Variants in DNAAF1 observed in about 807,000 individuals in gnomAD.
DNAAF1 encodes dynein assembly factor 1, axonemal.
Under a neutral mutation model 71.1 loss-of-function variants are expected in DNAAF1, and 65 were observed. The ratio of observed to expected loss-of-function variants is 0.91; its 90% CI spans 0.75 to 1.12. The LOEUF is 1.12. DNAAF1 is among the 50% of genes most tolerant of loss of function. The probability of loss-of-function intolerance (pLI) is 0.00; values close to 1 mark genes in which losing one functional copy is unlikely to be tolerated. For synonymous variants in DNAAF1, 414 were observed against 354.6 expected (o/e 1.17, Z -1.88); for missense variants, 1,178 against 899.8 (o/e 1.31, Z -3.96).
intron 6 of DNAAF1, among the ~76,000 whole-genome samples, chr16:84,163,853 A>T (rs969888370): frequency 6.6e-5 from 10 of 151,182 alleles, no homozygotes; most frequent in Middle Eastern, 6.4e-3. Context: ...TTAAAAAATT[A>T]ATAGACTTTT....
chr16:84,161,102 A>T (rs545430400), intron 6 of DNAAF1, among the ~76,000 whole-genome samples: 1 of 152,138 alleles, frequency 6.6e-6, no homozygotes, highest in South Asian at 2.1e-4. Flanking sequence ...GCTACGTTAC[A>T]CCCTTGGGGG....
chr16:84,152,344 C>T (rs1179625516), intron 3 of DNAAF1, among the ~76,000 whole-genome samples: 1 of 152,182 alleles, frequency 6.6e-6, no homozygotes, highest in Non-Finnish European at 1.5e-5. Flanking sequence ...GAGACATACA[C>T]ACACTCTTAG....
Position 84,159,751 on chromosome 16 carries a change from A to G in DNAAF1, c.818A>G (p.Lys273Arg), listed in dbSNP as rs1023484282. 13 of 1,614,084 alleles carry G rather than the reference A, an allele frequency of 8.1e-6. No individual in the cohort carries two copies. The highest frequency in any genetic ancestry group is 1.0e-5 in the Non-Finnish European group (12 of 1,179,952). Residue 273 changes from lysine (K) to arginine (R), a missense_variant, in exon 6 of 12, where the codon AAG becomes AGG. Physicochemically the swap from Lys to Arg is conservative, Grantham distance 26. Transcript: ENST00000378553. ...AGAAGGACAGTCACTGTACGACTAA[A>G]GCACTTAACATACCTGGATGATAGA... ...NYRRTVTVRL[K>R]HLTYLDDRPV...
Position 84,154,622 on chromosome 16 carries a change from GTC to G in DNAAF1, c.402_403del (p.Trp135AlafsTer17), listed in dbSNP as rs764149615. 4 of 1,614,174 alleles carry G rather than the reference GTC, an allele frequency of 2.5e-6. No individual in the cohort carries two copies. In the South Asian group the frequency reaches 3.3e-5, roughly 13 times the overall value. On this transcript the variant is annotated frameshift_variant, in exon 4 of 12. Transcript: ENST00000378553. LOFTEE classifies it high-confidence loss of function. ...CTGGAAGAGTACACAGGGCTGCGCT[GTC>G]TCTGGCTGCAGAGCAATGGAATACA...
chr16:84,161,509 C>T (rs62048440), intron 6 of DNAAF1, among the ~76,000 whole-genome samples: 9,938 of 152,152 alleles, frequency 0.065, 427 homozygotes, highest in South Asian at 0.2. Flanking sequence ...AGATTACAGG[C>T]GTGCACCACC....
Position 84,170,059 on chromosome 16 carries a change from G to C in DNAAF1, c.1231G>C (p.Glu411Gln). Residue 411 changes from glutamate to glutamine, a missense_variant, in exon 8 of 12, where the codon GAG (glutamate) becomes CAG (glutamine). By Grantham distance (29) the Glu-to-Gln change is conservative. Transcript: ENST00000378553. ...VEAKREDGGP[E>Q]PEGTLPAETL... ...GGCTAAAAGAGAGGATGGAGGTCCAGAGCCAGAGGGGACCCTCCCAGCTGA... is the reference window on the plus strand; with the variant it reads ...GGCTAAAAGAGAGGATGGAGGTCCACAGCCAGAGGGGACCCTCCCAGCTGA... 1 of 1,613,688 alleles carries C rather than the reference G, an allele frequency of 6.2e-7. No individual in the cohort carries two copies. Among genetic ancestry groups the C allele is most frequent in the Non-Finnish European group, 8.5e-7 (1 of 1,179,968 alleles).
intron 5 of DNAAF1, among the ~76,000 whole-genome samples, chr16:84,159,470 C>A (rs993631846): frequency 1.3e-5 from 2 of 152,188 alleles, no homozygotes; most frequent in African/African-American, 4.8e-5. Context: ...GAAGAAAGGG[C>A]TGCTGAATGA....
In DNAAF1 at chr16:84,177,074, C is replaced by T. The variant is rs570250953; in HGVS notation, c.2066-655C>T. 52 of 175,910 alleles carry T rather than the reference C, an allele frequency of 3.0e-4. No individual in the cohort carries two copies. The South Asian group carries it at 3.4e-3, about 11-fold the overall frequency. 10.9% of individuals were successfully genotyped at this position (175,910 alleles called of 1,614,324 possible). A position where few individuals can be genotyped will look rare whatever the true frequency, so the allele number is the denominator to read the frequency against. ...CGTGCTACTCTCATCCAGCACGCAT[C>T]GGTGGCCAGGCTTTTTCCTGAAGAC... is the stretch of plus-strand genomic sequence containing the variant. On this transcript the variant is annotated intron_variant, in intron 11 of 11. Coordinates refer to ENST00000378553, the MANE Select transcript of DNAAF1 (RefSeq NM_178452.6).
intron 3 of DNAAF1, 123 bp from the exon 4 acceptor site, chr16:84,154,454 C>A: frequency 1.2e-6 from 1 of 858,370 alleles, no homozygotes; most frequent in Non-Finnish European, 1.9e-6. Context: ...GTTAGGATTT[C>A]AATGTATGAA....
At chr16:84,155,477 G>C in intron 4 of DNAAF1, 106 bp from the exon 5 acceptor site, 8 of 1,286,724 alleles carry the variant, frequency 6.2e-6, no homozygotes, top group Non-Finnish European at 9.0e-6. Context: ...AGATTCTCCC[G>C]CTTTAGCCTT....
intron 5 of DNAAF1, chr16:84,158,818 C>T (rs562915148): frequency 1.9e-5 from 3 of 155,810 alleles, no homozygotes; most frequent in African/African-American, 7.2e-5. Context: ...CAGCCTCCCC[C>T]TCCTGGGTTC....
chr16:84,148,564 C>A (rs922996429), intron 1 of DNAAF1, among the ~76,000 whole-genome samples: 1 of 137,566 alleles, frequency 7.3e-6, no homozygotes, highest in Non-Finnish European at 1.5e-5. Context: ...AAAATTGTTA[C>A]ACATTTAAAG....
Position 84,145,519 on chromosome 16 carries a change from T to A in DNAAF1, c.79T>A (p.Ser27Thr). ...CGCGCAGGAGCCCGGCGTGGAGGAG[T>A]CTGCGGGTGACCACGGGAGCGCAGG... ...DCAQEPGVEE[S>T]AGDHGSAGRG... The change falls in exon 1 of 12, where the codon TCT becomes ACT. Residue 27 changes from serine to threonine, a missense_variant. Ser to Thr is a moderately conservative substitution (Grantham distance 58). Coordinates refer to ENST00000378553, the MANE Select transcript of DNAAF1 (RefSeq NM_178452.6). The A allele has an allele frequency of 6.4e-7, 1 of 1,557,150 alleles. No individual in the cohort carries two copies. Among genetic ancestry groups the A allele is most frequent in the Non-Finnish European group, 8.7e-7 (1 of 1,150,424 alleles).
intron 8 of DNAAF1, among the ~76,000 whole-genome samples, chr16:84,170,735 G>C (rs1469431792): frequency 6.6e-6 from 1 of 152,162 alleles, no homozygotes; most frequent in African/African-American, 2.4e-5. Context: ...AGGAGGCTGA[G>C]GCAAGAGGAT....
At chr16:84,153,018 A>G (rs531474433) in intron 3 of DNAAF1, among the ~76,000 whole-genome samples, 1 of 152,150 alleles carries the variant, frequency 6.6e-6, no homozygotes, top group African/African-American at 2.4e-5. Flanking sequence ...CCTTATTTGT[A>G]TGTTGATTCA....
chr16:84,150,806 G>T (rs1286502518), intron 3 of DNAAF1, among the ~76,000 whole-genome samples: 2 of 152,004 alleles, frequency 1.3e-5, no homozygotes, highest in Non-Finnish European at 1.5e-5. Flanking sequence ...TAAAGGCGGG[G>T]TTTCGCCATG....
chr16:84,159,573 CA>C (rs2087605951), intron 5 of DNAAF1, 101 bp from the exon 6 acceptor site: 2 of 1,488,054 alleles, frequency 1.3e-6, no homozygotes, highest in African/African-American at 2.8e-5. Context: ...CTATTTTGCT[CA>C]AAAAATAGAT....
intron 7 of DNAAF1, among the ~76,000 whole-genome samples, chr16:84,166,164 G>A (rs2087976961): frequency 2.0e-5 from 3 of 148,626 alleles, no homozygotes; most frequent in Admixed American, 6.9e-5. Flanking sequence ...AGCAATTCTC[G>A]TGCCTCAGCC....
chr16:84,149,215 A>G (rs1480183598), intron 2 of DNAAF1, 73 bp downstream of exon 2: 2 of 1,575,304 alleles, frequency 1.3e-6, no homozygotes, highest in Non-Finnish European at 1.7e-6. Context: ...CCTTGTACGG[A>G]TAATGAAATA....
Sources: gnomAD v4.1 joint callset for allele counts (sites outside exome capture counted in the v4.1 genomes callset) on GRCh38, gnomAD v4.1.1 for gene constraint, MANE v1.5 for transcripts, NCBI Gene and HGNC (gene_info 2026-07-23, HGNC 2026-07-21) for gene names.